The following ATXN10 variants were observed in gnomAD, a reference collection of about 807,000 sequenced individuals.
ATXN10 encodes ataxin-10.
ATXN10 carries 28 observed loss-of-function variants against 52.9 expected under a neutral mutation model. The observed-to-expected ratio is 0.53, with a 90% CI of 0.39 to 0.73. The LOEUF is 0.73. Among genes scored for constraint, ATXN10 ranks in the 30% least tolerant of loss-of-function variants. The probability of loss-of-function intolerance (pLI) is 0.00; values close to 1 mark genes in which losing one functional copy is unlikely to be tolerated. For synonymous variants in ATXN10, 226 were observed against 221.5 expected, an observed-to-expected ratio of 1.02 and a Z score of -0.18; for missense variants, 565 against 577.0, an observed-to-expected ratio of 0.98 and a Z score of 0.21.
In ATXN10 at chr22:45,781,201, C is replaced by T. The variant is rs1851512844; in HGVS notation, c.1174-25758C>T. 6.6e-6 allele frequency among the ~76,000 whole-genome samples: 1 copy of T among 152,204 alleles called. No homozygotes were observed. Among genetic ancestry groups the T allele is most frequent in the African/African-American group, 2.4e-5 (1 of 41,448 alleles). On this transcript the variant is annotated intron_variant, in intron 9 of 11. Coordinates refer to ENST00000252934, the MANE Select transcript of ATXN10 (RefSeq NM_013236.4). The surrounding 1 kb of genome is among the most constrained non-coding windows in gnomAD (Gnocchi z 4.2). ...GGGGAGCCGAAACAGAAACCTTCCC[C>T]TGGTTATAATGAGGCACCCCTCACC... is the stretch of plus-strand genomic sequence containing the variant.
Position 45,763,593 on chromosome 22 carries a change from C to T in ATXN10, c.1173+23055C>T, listed in dbSNP as rs1263233814. ...AGTCGGACCCCACCACGCCCCCCAC[C>T]TCTCTGTCCCTGCTCTTTGGGCCCT... On this transcript the variant is annotated intron_variant, in intron 9 of 11. Transcript: ENST00000252934. The surrounding 1 kb of genome is among the most constrained non-coding windows in gnomAD (Gnocchi z 6.9). 2.6e-5 allele frequency among the ~76,000 whole-genome samples: 4 copies of T among 152,172 alleles called. No homozygotes were observed. Among genetic ancestry groups the T allele is most frequent in the Non-Finnish European group, 5.9e-5 (4 of 68,034 alleles).
At chr22:45,811,902 C>T (rs2063179294) in intron 10 of ATXN10, 1 of 420,290 alleles carries the variant, frequency 2.4e-6, no homozygotes. Flanking sequence ...AAGCATGCCC[C>T]TGTTCACAGA....
At chr22:45,674,928 G>GA (rs1922622695) in intron 1 of ATXN10, 1 of 152,174 alleles carries the variant, frequency 6.6e-6, no homozygotes, top group East Asian at 1.9e-4. Flanking sequence ...CATGCAGTGG[G>GA]AAGAGCAGTG....
chr22:45,763,190 C>T lies in ATXN10; in HGVS notation c.1173+22652C>T, dbSNP rs1327120217. On this transcript the variant is annotated intron_variant, in intron 9 of 11. Transcript: ENST00000252934. This position sits in a 1 kb window ranked among gnomAD's most constrained non-coding sequence, Gnocchi z 6.9. ...GTGACTCTCAGTTGGGGAGGGCTGC[C>T]GGGCAGTGTTCTGGGGGCAGGGAGG... 2.0e-5 allele frequency among the ~76,000 whole-genome samples: 3 copies of T among 152,060 alleles called. No homozygotes were observed. The highest frequency in any genetic ancestry group is 2.1e-4 in the South Asian group (1 of 4,818).
chr22:45,806,288 C>T (rs1242811399), intron 9 of ATXN10, among the ~76,000 whole-genome samples: 2 of 152,034 alleles, frequency 1.3e-5, no homozygotes, highest in African/African-American at 4.8e-5. Flanking sequence ...AATTTGCTTC[C>T]CTCTTATGAG....
At position 45,708,873 on chromosome 22, in the gene ATXN10, T is replaced by G. The variant is rs1444896893; in HGVS notation, c.647+6026T>G. On this transcript the variant is annotated intron_variant, in intron 5 of 11. Coordinates refer to ENST00000252934, the MANE Select transcript of ATXN10 (RefSeq NM_013236.4). This position sits in a 1 kb window ranked among gnomAD's most constrained non-coding sequence, Gnocchi z 5.3. ...CCAGCCTGGTCTTGAACTCCTGACC[T>G]CAGGTGATCTCCCCGCCTGTCTCCC... is the stretch of plus-strand genomic sequence containing the variant. Among the ~76,000 whole-genome samples the G allele has an allele frequency of 6.6e-6, 1 of 152,160 alleles. No homozygotes were observed. The highest frequency in any genetic ancestry group is 1.5e-5 in the Non-Finnish European group (1 of 68,024).
Position 45,819,533 on chromosome 22 carries a change from T to A in ATXN10, c.1237+12511T>A, listed in dbSNP as rs1261225864. ...GCTTTACCAAGCCACATCACTGACG[T>A]ATTCATTGTAGTTGACTCAGAACCA... On this transcript the variant is annotated intron_variant, in intron 10 of 11. Transcript: ENST00000252934. The surrounding 1 kb of genome is among the most constrained non-coding windows in gnomAD (Gnocchi z 4.5). Among the ~76,000 whole-genome samples, 1 of 152,174 alleles carries A rather than the reference T, an allele frequency of 6.6e-6. No individual in the cohort carries two copies. Among genetic ancestry groups the A allele is most frequent in the Non-Finnish European group, 1.5e-5 (1 of 68,040 alleles).
At chr22:45,830,077 C>T (rs752521860) in intron 10 of ATXN10, among the ~76,000 whole-genome samples, 37 of 152,148 alleles carry the variant, frequency 2.4e-4, no homozygotes, top group Non-Finnish European at 3.8e-4. Flanking sequence ...CAAATGTAGT[C>T]AAATGATTGC....
chr22:45,738,475 T>C (rs1260271463), intron 7 of ATXN10: 14 of 428,826 alleles, frequency 3.3e-5, no homozygotes, highest in Non-Finnish European at 5.4e-5. Context: ...TTCTGACTCT[T>C]TGCTCCAAGA....
At position 45,728,378 on chromosome 22, in the gene ATXN10, A is replaced by C. The variant is rs1924959872; in HGVS notation, c.729-1047A>C. On this transcript the variant is annotated intron_variant, in intron 6 of 11. Coordinates refer to ENST00000252934, the MANE Select transcript of ATXN10 (RefSeq NM_013236.4). This position sits in a 1 kb window ranked among gnomAD's most constrained non-coding sequence, Gnocchi z 4.3. ...TTTTGGATTAATTATTGTCACAAGA[A>C]ATCTGACGTTTTAGGAGTTTTGAGA... 2.6e-5 allele frequency among the ~76,000 whole-genome samples: 4 copies of C among 152,204 alleles called. No individual in the cohort carries two copies. The highest frequency in any genetic ancestry group is 5.9e-5 in the Non-Finnish European group (4 of 68,028).
In ATXN10 at chr22:45,763,497, G is replaced by A. The variant is rs886402938; in HGVS notation, c.1173+22959G>A. Among the ~76,000 whole-genome samples, 1 of 152,168 alleles carries A rather than the reference G, an allele frequency of 6.6e-6. No individual in the cohort carries two copies. Among genetic ancestry groups the A allele is most frequent in the African/African-American group, 2.4e-5 (1 of 41,428 alleles). The stretch of plus-strand genomic sequence containing the variant: ...CTCTCCCCAGCCCCAGGTCTGCAGA[G>A]TGTGTGGCTGCTGCACCCTCAGGTG... On this transcript the variant is annotated intron_variant, in intron 9 of 11. Coordinates refer to ENST00000252934, the MANE Select transcript of ATXN10 (RefSeq NM_013236.4). The surrounding 1 kb of genome is among the most constrained non-coding windows in gnomAD (Gnocchi z 6.9).
rs968898985 is a variant in ATXN10 at position 45,701,705 on chromosome 22, G to A, written c.489-984G>A. On this transcript the variant is annotated intron_variant, in intron 4 of 11. Coordinates refer to ENST00000252934, the MANE Select transcript of ATXN10 (RefSeq NM_013236.4). The surrounding 1 kb of genome is among the most constrained non-coding windows in gnomAD (Gnocchi z 4.2). ...GAATGTGGTGGTAACTTATATATTCGTTATTCCTGAAGGATTTCATTCTTT... is the reference window on the plus strand; with the variant it reads ...GAATGTGGTGGTAACTTATATATTCATTATTCCTGAAGGATTTCATTCTTT... 1.3e-5 allele frequency among the ~76,000 whole-genome samples: 2 copies of A among 152,122 alleles called. No homozygotes were observed. The highest frequency in any genetic ancestry group is 4.8e-5 in the African/African-American group (2 of 41,438).
chr22:45,688,264 A>G lies in ATXN10; in HGVS notation c.117-1448A>G, dbSNP rs938506527. Among the ~76,000 whole-genome samples the G allele has an allele frequency of 2.6e-5, 4 of 152,174 alleles. No individual in the cohort carries two copies. Among genetic ancestry groups the G allele is most frequent in the Non-Finnish European group, 5.9e-5 (4 of 68,032 alleles). Reference sequence around the variant, plus strand: ...ACACTCAGGGCTGACTGGGGGAGACATAGACAAATTATTTTATGTGCAGTT... The same window carrying G: ...ACACTCAGGGCTGACTGGGGGAGACGTAGACAAATTATTTTATGTGCAGTT... On this transcript the variant is annotated intron_variant, in intron 1 of 11. Coordinates refer to ENST00000252934, the MANE Select transcript of ATXN10 (RefSeq NM_013236.4). The surrounding 1 kb of genome is among the most constrained non-coding windows in gnomAD (Gnocchi z 4.0).
rs373342719 is a variant in ATXN10, at chr22:45,837,095, G to A, written c.1238-5896G>A. Among the ~76,000 whole-genome samples, 13 of 152,022 alleles carry A rather than the reference G, an allele frequency of 8.6e-5. No homozygotes were observed. The South Asian group carries it at 2.1e-3, about 24-fold the overall frequency. On this transcript the variant is annotated intron_variant, in intron 10 of 11. Transcript: ENST00000252934. The surrounding 1 kb of genome is among the most constrained non-coding windows in gnomAD (Gnocchi z 5.8). ...GTTTTAAAATATATGTCCTGGATGC[G>A]AAAACAATGCAGATATTACATATAA...
chr22:45,692,955 T>C, intron 2 of ATXN10, 41 bp from the exon 3 acceptor site: 1 of 1,531,618 alleles, frequency 6.5e-7, no homozygotes, highest in Non-Finnish European at 9.0e-7. Context: ...AATATATGAA[T>C]GAATGAACAT....
intron 9 of ATXN10, among the ~76,000 whole-genome samples, chr22:45,764,724 TAAC>T (rs1926523802): frequency 1.3e-5 from 2 of 152,194 alleles, no homozygotes; most frequent in South Asian, 4.1e-4. Context: ...ATGGAACAAA[TAAC>T]AACATTCGTA....
rs1424596233 is a variant in ATXN10 at position 45,681,147 on chromosome 22, C to G, written c.117-8565C>G. Among the ~76,000 whole-genome samples, 2 of 152,112 alleles carry G rather than the reference C, an allele frequency of 1.3e-5. No individual in the cohort carries two copies. The highest frequency in any genetic ancestry group is 2.9e-5 in the Non-Finnish European group (2 of 68,020). ...TGCCTCATTCCTTGAAGAGTTTAGCCCTGGCTCACTTTTCACTCTATTTCT... is the reference window on the plus strand; with the variant it reads ...TGCCTCATTCCTTGAAGAGTTTAGCGCTGGCTCACTTTTCACTCTATTTCT... On this transcript the variant is annotated intron_variant, in intron 1 of 11. Coordinates refer to ENST00000252934, the MANE Select transcript of ATXN10 (RefSeq NM_013236.4). This position sits in a 1 kb window ranked among gnomAD's most constrained non-coding sequence, Gnocchi z 4.2.
chr22:45,709,663 T>C (rs1450752128), intron 5 of ATXN10, among the ~76,000 whole-genome samples: 1 of 152,236 alleles, frequency 6.6e-6, no homozygotes, highest in Non-Finnish European at 1.5e-5. Context: ...CAGCTTTAAA[T>C]ACCTCTTCTA....
intron 9 of ATXN10, among the ~76,000 whole-genome samples, chr22:45,755,882 G>A (rs1455430257): frequency 6.6e-6 from 1 of 152,106 alleles, no homozygotes; most frequent in African/African-American, 2.4e-5. Context: ...TGTGAACTGA[G>A]CCACATCAGG....
Sources: allele counts gnomAD v4.1 joint callset (sites outside exome capture counted in the v4.1 genomes callset), GRCh38; gene constraint gnomAD v4.1.1; non-coding constraint Gnocchi (gnomAD v3.1); transcripts MANE v1.5; gene names NCBI Gene and HGNC (gene_info 2026-07-23, HGNC 2026-07-21).